PTPN3: variants seen among roughly 807,000 people sequenced by gnomAD.
PTPN3 encodes the protein protein tyrosine phosphatase non-receptor type 3, also known as tyrosine-protein phosphatase non-receptor type 3.
PTPN3 carries 96 observed loss-of-function variants against 132.7 expected under a neutral mutation model. The ratio of observed to expected loss-of-function variants is 0.72; its 90% CI spans 0.61 to 0.86. The LOEUF (loss-of-function observed/expected upper bound fraction) is 0.86. PTPN3 is among the 40% of genes least tolerant of loss of function. The pLI is 0.00. For missense variants in PTPN3, 1,125 were observed against 1,159.6 expected (o/e 0.97, Z 0.43); for synonymous variants, 398 against 429.0 (o/e 0.93, Z 0.89).
chr9:109,377,457 C>CACACACACACACACACAG lies in PTPN3; in HGVS notation c.*2098_*2099insCTGTGTGTGTGTGTGTGT, dbSNP rs1422644975. ...ACACACACACACACACACACACACA[C>CACACACACACACACACAG]AAGCCAGGTGAGGTGGCATGTGCCT... On this transcript the variant is annotated 3_prime_UTR_variant, in exon 26 of 26. Coordinates refer to ENST00000374541, the MANE Select transcript of PTPN3 (RefSeq NM_002829.4). The CACACACACACACACACAG allele has an allele frequency of 7.6e-6, 1 of 131,152 alleles. No individual in the cohort carries two copies. The highest frequency in any genetic ancestry group is 2.3e-4 in the East Asian group (1 of 4,392). 8.1% of individuals were successfully genotyped at this position (131,152 alleles called of 1,614,324 possible). A position where few individuals can be genotyped will look rare whatever the true frequency, so the allele number is the denominator to read the frequency against.
At position 109,457,315 on chromosome 9, in the gene PTPN3, C is replaced by T. The variant is rs866419010; in HGVS notation, c.223G>A (p.Asp75Asn). 1.2e-6 allele frequency: 2 copies of T among 1,614,140 alleles called. No homozygotes were observed. The highest frequency in any genetic ancestry group is 1.7e-6 in the Non-Finnish European group (2 of 1,179,990). Residue 75 changes from aspartate (D) to asparagine (N), a missense_variant, in exon 3 of 26, where the codon GAT becomes AAT. Asp to Asn is a conservative substitution (Grantham distance 23). Coordinates refer to ENST00000374541, the MANE Select transcript of PTPN3 (RefSeq NM_002829.4). ...TEKEYFGLQH[D>N]DDSVDSPRWL... ...ACAGGAGAGTCCACGGAGTCGTCAT[C>T]ATGCTGTAAACCAAAATATTCCTTT... is the stretch of plus-strand genomic sequence containing the variant.
At position 109,378,231 on chromosome 9, in the gene PTPN3, C is replaced by G. The variant is rs1838737618; in HGVS notation, c.*1325G>C. Reference sequence around the variant, plus strand: ...ACATAAAAACCGCTGTTCAAAAATACCACATTAAATGTTTACACAATTTAT... The same window carrying G: ...ACATAAAAACCGCTGTTCAAAAATAGCACATTAAATGTTTACACAATTTAT... On this transcript the variant is annotated 3_prime_UTR_variant, in exon 26 of 26. Transcript: ENST00000374541. The G allele has an allele frequency of 6.6e-6, 1 of 152,212 alleles. No homozygotes were observed. Among genetic ancestry groups the G allele is most frequent in the Non-Finnish European group, 1.5e-5 (1 of 68,038 alleles). 9.4% of individuals were successfully genotyped at this position (152,212 alleles called of 1,614,324 possible). A position where few individuals can be genotyped will look rare whatever the true frequency, so the allele number is the denominator to read the frequency against.
chr9:109,394,976 A>G (rs1358776223), intron 19 of PTPN3, among the ~76,000 whole-genome samples: 1 of 152,030 alleles, frequency 6.6e-6, no homozygotes, highest in African/African-American at 2.4e-5. Flanking sequence ...CGTCTCTACT[A>G]AAAATACAAA....
intron 12 of PTPN3, 42 bp from the exon 13 acceptor site, chr9:109,422,894 A>G (rs1842982044): frequency 6.3e-7 from 1 of 1,594,114 alleles, no homozygotes; most frequent in Non-Finnish European, 8.6e-7. Context: ...ACTGACGTTC[A>G]ACAGGAAAGA....
At position 109,420,617 on chromosome 9, in the gene PTPN3, T is replaced by C; in HGVS notation, c.1137-17A>G. 6.2e-7 allele frequency: 1 copy of C among 1,602,138 alleles called. No individual in the cohort carries two copies. The highest frequency in any genetic ancestry group is 1.3e-5 in the African/African-American group (1 of 74,840). On this transcript the variant is annotated splice_polypyrimidine_tract_variant and intron_variant, in intron 13 of 25. Coordinates refer to ENST00000374541, the MANE Select transcript of PTPN3 (RefSeq NM_002829.4). Reference sequence around the variant, plus strand: ...GGACTTCGCCTGGGTGGGAAAAACGTTGAGTGCAAAGTGTTCAAAGCAAAT... The same window carrying C: ...GGACTTCGCCTGGGTGGGAAAAACGCTGAGTGCAAAGTGTTCAAAGCAAAT...
At chr9:109,517,718 G>A in the PTPN3 span, among the ~76,000 whole-genome samples, 1 of 152,202 alleles carries the variant, frequency 6.6e-6, no homozygotes, top group African/African-American at 2.4e-5. Context: ...GAAAGCCTCT[G>A]GTGCTGGCTG....
At chr9:109,448,621 A>G (rs1244386940) in intron 6 of PTPN3, among the ~76,000 whole-genome samples, 190 bp downstream of exon 6, 2 of 152,174 alleles carry the variant, frequency 1.3e-5, no homozygotes, top group African/African-American at 4.8e-5. Context: ...AAAGTTATCA[A>G]TCCTTAGCCT....
rs184033167 is a variant in PTPN3 at position 109,479,561 on chromosome 9, G to A, written c.-17-16110C>T. Among the ~76,000 whole-genome samples, 12 of 152,332 alleles carry A rather than the reference G, an allele frequency of 7.9e-5. No homozygotes were observed. The East Asian group carries it at 2.1e-3, about 27-fold the overall frequency. On this transcript the variant is annotated intron_variant, in intron 1 of 25. Transcript: ENST00000374541. ...TAGGAGTAGGATTGCTGGGTCACAT[G>A]GTAGTTCTATCTATAGCTTTTTAAA...
chr9:109,399,243 C>T (rs1474957281), intron 19 of PTPN3, among the ~76,000 whole-genome samples: 1 of 152,168 alleles, frequency 6.6e-6, no homozygotes, highest in Non-Finnish European at 1.5e-5. Flanking sequence ...CTCACTGAAG[C>T]CTCAACCTCC....
At chr9:109,432,029 G>A (rs1006424171) in intron 10 of PTPN3, among the ~76,000 whole-genome samples, 15 of 148,560 alleles carry the variant, frequency 1.0e-4, no homozygotes, top group South Asian at 2.1e-4. Flanking sequence ...ATATATTTAT[G>A]TGTAATATAT....
In PTPN3 at chr9:109,376,566, A is replaced by T. The variant is rs1225736295; in HGVS notation, c.*2990T>A. On this transcript the variant is annotated 3_prime_UTR_variant, in exon 26 of 26. Transcript: ENST00000374541. ...GTTCTAGAGGGTGACACCAGCAGGG[A>T]TCTCTCATCTTGATTAAATTGGCAC... 2 of 152,196 alleles carry T rather than the reference A, an allele frequency of 1.3e-5. No individual in the cohort carries two copies. The highest frequency in any genetic ancestry group is 1.3e-4 in the Admixed American group (2 of 15,284). The allele number at this position is 152,196 out of a possible 1,614,324, so 9.4% of individuals were successfully genotyped here. A position where few individuals can be genotyped will look rare whatever the true frequency, so the allele number is the denominator to read the frequency against.
At chr9:109,415,603 G>T (rs754123981) in intron 14 of PTPN3, among the ~76,000 whole-genome samples, 2 of 152,178 alleles carry the variant, frequency 1.3e-5, no homozygotes, top group Non-Finnish European at 2.9e-5. Flanking sequence ...ACAGGGGAAC[G>T]ATTTGGATAT....
At chr9:109,492,973 A>G (rs1847527087) in intron 1 of PTPN3, among the ~76,000 whole-genome samples, 1 of 152,248 alleles carries the variant, frequency 6.6e-6, no homozygotes, top group Non-Finnish European at 1.5e-5. Flanking sequence ...ACCAAAGACC[A>G]CCTAGTCTGT....
chr9:109,508,963 G>A, the PTPN3 span, among the ~76,000 whole-genome samples: 1 of 152,162 alleles, frequency 6.6e-6, no homozygotes, highest in Non-Finnish European at 1.5e-5. Flanking sequence ...GGAGGTCGAG[G>A]TGGGAGGATT....
chr9:109,391,276 C>A, intron 20 of PTPN3, 77 bp from the exon 21 acceptor site: 2 of 1,419,364 alleles, frequency 1.4e-6, no homozygotes, highest in Non-Finnish European at 2.0e-6. Flanking sequence ...GTTCAGTTCC[C>A]AGCCCCATCT....
chr9:109,518,646 G>A, the PTPN3 span, among the ~76,000 whole-genome samples: 1 of 152,112 alleles, frequency 6.6e-6, no homozygotes, highest in Admixed American at 6.5e-5. Flanking sequence ...TGGGAGAAAA[G>A]AGGAACACTT....
At chr9:109,397,926 AAAAC>A (rs201224071) in intron 19 of PTPN3, among the ~76,000 whole-genome samples, 4,445 of 152,254 alleles carry the variant, frequency 0.029, 116 homozygotes, top group East Asian at 0.15. Context: ...CTTTCCTTAA[AAAAC>A]AAACAAACAA....
At chr9:109,416,524 C>G (rs1842513272) in intron 14 of PTPN3, among the ~76,000 whole-genome samples, 1 of 151,300 alleles carries the variant, frequency 6.6e-6, no homozygotes, top group Non-Finnish European at 1.5e-5. Flanking sequence ...CAGCTCACTG[C>G]AGCCTCGACC....
chr9:109,410,371 T>A lies in PTPN3; in HGVS notation c.1358A>T (p.Lys453Met). The A allele has an allele frequency of 6.2e-7, 1 of 1,614,140 alleles. No individual in the cohort carries two copies. The highest frequency in any genetic ancestry group is 8.5e-7 in the Non-Finnish European group (1 of 1,180,000). ...NNPAQSYLTQ[K>M]SSSSVSPSSN... ...AGATGGAGACACAGAACTGGATGACTTCTGGGTCAGGTAGCTTTGTGCCGG... is the reference window on the plus strand; with the variant it reads ...AGATGGAGACACAGAACTGGATGACATCTGGGTCAGGTAGCTTTGTGCCGG... The change falls in exon 15 of 26, where the codon AAG becomes ATG. Residue 453 changes from lysine to methionine, a missense_variant. By Grantham distance (95) the Lys-to-Met change is moderately conservative. Coordinates refer to ENST00000374541, the MANE Select transcript of PTPN3 (RefSeq NM_002829.4).
Sources: allele counts gnomAD v4.1 joint callset (sites outside exome capture counted in the v4.1 genomes callset), GRCh38; gene constraint gnomAD v4.1.1; transcripts MANE v1.5; gene names NCBI Gene and HGNC (gene_info 2026-07-23, HGNC 2026-07-21).